GPR107: variants seen among roughly 807,000 people sequenced by gnomAD.
GPR107 encodes the protein protein GPR107.
GPR107 carries 31 observed loss-of-function variants against 75.5 expected under a neutral mutation model. The ratio of observed to expected loss-of-function variants is 0.41; its 90% CI spans 0.31 to 0.55. GPR107 has a LOEUF of 0.55. Ranked by LOEUF, GPR107 falls within the 20% of genes least tolerant of loss-of-function variation. GPR107 has a pLI of 0.26. For missense variants in GPR107, 572 were observed against 665.7 expected, an observed-to-expected ratio of 0.86 and a Z score of 1.55; for synonymous variants, 267 against 251.3, an observed-to-expected ratio of 1.06 and a Z score of -0.59.
chr9:130,093,644 C>T (rs1741015206), intron 9 of GPR107, among the ~76,000 whole-genome samples: 1 of 152,092 alleles, frequency 6.6e-6, no homozygotes. Context: ...GAAGGAGCTA[C>T]ATAATCATGT....
At chr9:130,086,573 C>T in intron 7 of GPR107, 97 bp downstream of exon 7, 3 of 759,804 alleles carry the variant, frequency 3.9e-6, no homozygotes, top group Non-Finnish European at 7.2e-6. Context: ...GGAATAACAA[C>T]TTAGGTATGC....
chr9:130,072,426 A>C (rs1830232334), intron 1 of GPR107, among the ~76,000 whole-genome samples: 1 of 151,808 alleles, frequency 6.6e-6, no homozygotes, highest in Non-Finnish European at 1.5e-5. Flanking sequence ...TCACCGTGTT[A>C]GCCAGGATGG....
rs1305479907 is a variant in GPR107 at position 130,138,754 on chromosome 9, G to A, written c.*3633G>A. The A allele has an allele frequency of 6.6e-6, 1 of 152,064 alleles. No homozygotes were observed. Among genetic ancestry groups the A allele is most frequent in the African/African-American group, 2.4e-5 (1 of 41,384 alleles). 9.4% of individuals were successfully genotyped at this position (152,064 alleles called of 1,614,324 possible). On this transcript the variant is annotated 3_prime_UTR_variant, in exon 18 of 18. Coordinates refer to ENST00000347136, the MANE Select transcript of GPR107 (RefSeq NM_020960.5). ...AAATATTATTGCTCTGGGCCATATA[G>A]GCTGGTCTTCCTCCACACTAAAATG...
At chr9:130,084,047 C>CATATATATTTATATATATAT in intron 6 of GPR107, among the ~76,000 whole-genome samples, 1 of 130,912 alleles carries the variant, frequency 7.6e-6, no homozygotes, top group African/African-American at 2.8e-5. Context: ...AGAGAGCTAA[C>CATATATATTTATATATATAT]ATATATATAT....
At position 130,128,707 on chromosome 9, in the gene GPR107, A is replaced by G. The variant is rs151019150; in HGVS notation, c.1508A>G (p.Asp503Gly). The G allele has an allele frequency of 3.1e-6, 5 of 1,611,704 alleles. No individual in the cohort carries two copies. In the Admixed American group the frequency reaches 6.7e-5, roughly 21 times the overall value. ...LTGYKFRPAS[D>G]NPYLQLSQEE... is the part of the protein sequence containing the mutation. Reference sequence around the variant, plus strand: ...GGGTATAAATTCCGTCCGGCTTCAGATAACCCCTACCTACAACTTTCTCAG... The same window carrying G: ...GGGTATAAATTCCGTCCGGCTTCAGGTAACCCCTACCTACAACTTTCTCAG... Residue 503 changes from aspartate (D) to glycine (G), a missense_variant, in exon 17 of 18, where the codon GAT becomes GGT. Physicochemically the swap from Asp to Gly is moderately conservative, Grantham distance 94. Coordinates refer to ENST00000347136, the MANE Select transcript of GPR107 (RefSeq NM_020960.5).
Position 130,135,160 on chromosome 9 carries a change from G to C in GPR107, c.*39G>C, listed in dbSNP as rs1242621947. 2 of 1,128,964 alleles carry C rather than the reference G, an allele frequency of 1.8e-6. No homozygotes were observed. Among genetic ancestry groups the C allele is most frequent in the African/African-American group, 1.5e-5 (1 of 65,148 alleles). The allele number at this position is 1,128,964 out of a possible 1,614,324, so 69.9% of individuals were successfully genotyped here. A position where few individuals can be genotyped will look rare whatever the true frequency, so the allele number is the denominator to read the frequency against. On this transcript the variant is annotated 3_prime_UTR_variant, in exon 18 of 18. Coordinates refer to ENST00000347136, the MANE Select transcript of GPR107 (RefSeq NM_020960.5). ...GAGGATGGCACTGTCCAAGGAAACTGTTAACTTATTCATAGTCCTATTGGA... is the reference window on the plus strand; with the variant it reads ...GAGGATGGCACTGTCCAAGGAAACTCTTAACTTATTCATAGTCCTATTGGA...
At chr9:130,061,970 A>C (rs1048063454) in intron 1 of GPR107, among the ~76,000 whole-genome samples, 1 of 152,060 alleles carries the variant, frequency 6.6e-6, no homozygotes, top group Non-Finnish European at 1.5e-5. Flanking sequence ...AGCCAAGGCA[A>C]AATGAGGTTA....
intron 1 of GPR107, among the ~76,000 whole-genome samples, chr9:130,068,225 A>G (rs953430969): frequency 1.3e-5 from 2 of 152,002 alleles, no homozygotes; most frequent in African/African-American, 4.8e-5. Flanking sequence ...GCTCAGTGAG[A>G]CCGCAGGGGA....
intron 7 of GPR107, among the ~76,000 whole-genome samples, chr9:130,087,843 C>CA (rs1250209438): frequency 1.4e-5 from 2 of 145,690 alleles, no homozygotes; most frequent in African/African-American, 5.1e-5. Context: ...GTGAAATGCA[C>CA]AGGTCGTGTC....
At chr9:130,101,889 A>C (rs758848840) in intron 12 of GPR107, among the ~76,000 whole-genome samples, 1 of 152,178 alleles carries the variant, frequency 6.6e-6, no homozygotes, top group Non-Finnish European at 1.5e-5. Context: ...TTGGAGCACA[A>C]AGTAAATGTG....
intron 1 of GPR107, among the ~76,000 whole-genome samples, chr9:130,058,082 G>T (rs1177076291): frequency 2.0e-5 from 3 of 152,022 alleles, no homozygotes; most frequent in African/African-American, 4.8e-5. Context: ...ACCTGCCTCG[G>T]CCTCCCAAAG....
At chr9:130,121,893 ATTTTC>A (rs1253199679) in intron 14 of GPR107, among the ~76,000 whole-genome samples, 1 of 144,586 alleles carries the variant, frequency 6.9e-6, no homozygotes, top group Admixed American at 6.9e-5. Context: ...TTTTTATTTT[ATTTTC>A]TTTTTTTTTT....
chr9:130,091,182 T>C (rs1001352856), intron 8 of GPR107, among the ~76,000 whole-genome samples, 199 bp downstream of exon 8: 7 of 152,166 alleles, frequency 4.6e-5, no homozygotes, highest in Non-Finnish European at 1.5e-5. Context: ...CACTTTAACC[T>C]GTGCGTTAAG....
At chr9:130,074,901 A>G (rs1024751611) in intron 1 of GPR107, among the ~76,000 whole-genome samples, 2 of 150,538 alleles carry the variant, frequency 1.3e-5, no homozygotes, top group African/African-American at 2.4e-5. Flanking sequence ...CTTCCTCCCC[A>G]CCCCCCAGCA....
rs1347417027 is a variant in GPR107 at position 130,064,191 on chromosome 9, T to TTTC, written c.141+10120_141+10121insCTT. On this transcript the variant is annotated intron_variant, in intron 1 of 17. Transcript: ENST00000347136. ...GAACTATAAAATAGCTTTTCTTTTTTTTTTTTTTTTTTTTTTTGAGACGGA... is the reference window on the plus strand; with the variant it reads ...GAACTATAAAATAGCTTTTCTTTTTTTTCTTTTTTTTTTTTTTTTTGAGACGGA... Among the ~76,000 whole-genome samples the TTTC allele has an allele frequency of 6.1e-4, 32 of 52,824 alleles. No homozygotes were observed. In the East Asian group the frequency reaches 0.026, roughly 43 times the overall value. 34.7% of individuals were successfully genotyped at this position (52,824 alleles called of 152,430 possible).
chr9:130,056,615 CAT>C (rs1291210061), intron 1 of GPR107, among the ~76,000 whole-genome samples: 1 of 151,808 alleles, frequency 6.6e-6, no homozygotes, highest in Non-Finnish European at 1.5e-5. Flanking sequence ...AAAAAAATCT[CAT>C]AATGTTTTAA....
intron 13 of GPR107, among the ~76,000 whole-genome samples, chr9:130,106,626 T>TAAC (rs910814478): frequency 2.0e-5 from 3 of 149,534 alleles, no homozygotes; most frequent in African/African-American, 7.4e-5. Flanking sequence ...TAAATAATAA[T>TAAC]AATAATAATA....
intron 13 of GPR107, 77 bp from the exon 14 acceptor site, chr9:130,107,419 C>T: frequency 2.3e-6 from 2 of 860,990 alleles, no homozygotes; most frequent in South Asian, 2.7e-5. Context: ...AATTCAGCCT[C>T]AAGTTACTAG....
chr9:130,067,973 C>T (rs1158321575), intron 1 of GPR107, among the ~76,000 whole-genome samples: 1 of 151,906 alleles, frequency 6.6e-6, no homozygotes, highest in Non-Finnish European at 1.5e-5. Context: ...CTTCTGACTT[C>T]AAGTGATCCT....
Sources: gnomAD v4.1 joint callset for allele counts (sites outside exome capture counted in the v4.1 genomes callset) on GRCh38, gnomAD v4.1.1 for gene constraint, MANE v1.5 for transcripts, NCBI Gene and HGNC (gene_info 2026-07-23, HGNC 2026-07-21) for gene names.